The following ELMO1 variants were observed in gnomAD, a reference collection of about 807,000 sequenced individuals.
The protein encoded by ELMO1 is engulfment and cell motility protein 1.
In ELMO1, 26 loss-of-function variants were observed where a neutral mutation model predicts 98.9. The ratio of observed to expected loss-of-function variants is 0.26; its 90% CI spans 0.19 to 0.36. The LOEUF (loss-of-function observed/expected upper bound fraction) is 0.36. Among genes scored for constraint, ELMO1 ranks in the 10% least tolerant of loss-of-function variants. The pLI, the probability that ELMO1 is intolerant of heterozygous loss-of-function variation, is 1.00. For synonymous variants in ELMO1, 346 were observed against 346.0 expected (o/e 1.00, Z 0.00); for missense variants, 627 against 935.2 (o/e 0.67, Z 4.30).
At chr7:37,163,391 G>A (rs1789372861) in intron 13 of ELMO1, among the ~76,000 whole-genome samples, 1 of 151,524 alleles carries the variant, frequency 6.6e-6, no homozygotes, top group African/African-American at 2.4e-5. Context: ...TGTGCACAAT[G>A]TGCAGGTTAG....
intron 4 of ELMO1, among the ~76,000 whole-genome samples, chr7:37,305,089 T>C (rs113905453): frequency 2.6e-5 from 4 of 152,286 alleles, no homozygotes; most frequent in African/African-American, 9.6e-5. Context: ...TTCTCTCTAC[T>C]CTTCTGTGAT....
intron 13 of ELMO1, among the ~76,000 whole-genome samples, chr7:37,185,212 TAG>T (rs998250940): frequency 3.9e-5 from 6 of 152,242 alleles, no homozygotes; most frequent in African/African-American, 1.4e-4. Context: ...AGCAGCTAGC[TAG>T]AGTTTTAAAT....
intron 4 of ELMO1, among the ~76,000 whole-genome samples, chr7:37,311,759 G>A (rs575082963): frequency 2.4e-4 from 37 of 152,202 alleles, no homozygotes; most frequent in African/African-American, 6.5e-4. Flanking sequence ...AAAGAACTAC[G>A]ATAGGGAAGA....
intron 16 of ELMO1, among the ~76,000 whole-genome samples, chr7:36,921,913 G>A (rs1457350900): frequency 1.3e-5 from 2 of 152,184 alleles, no homozygotes; most frequent in South Asian, 2.1e-4. Context: ...ACCCCGCTGC[G>A]TATGCCTGTG....
At chr7:37,241,475 T>A (rs1794763277) in intron 7 of ELMO1, among the ~76,000 whole-genome samples, 1 of 152,166 alleles carries the variant, frequency 6.6e-6, no homozygotes, top group South Asian at 2.1e-4. Flanking sequence ...CTAAACCTTT[T>A]CATTGAGCTG....
chr7:37,163,433 G>A (rs1234703280), intron 13 of ELMO1, among the ~76,000 whole-genome samples: 1 of 151,920 alleles, frequency 6.6e-6, no homozygotes, highest in Admixed American at 6.6e-5. Flanking sequence ...ATGCTGGTGT[G>A]CTGCACCCAC....
At chr7:37,281,012 A>AAT (rs1554288330) in intron 4 of ELMO1, among the ~76,000 whole-genome samples, 9,890 of 108,754 alleles carry the variant, frequency 0.091, 432 homozygotes, top group African/African-American at 0.14. Flanking sequence ...TATATATATA[A>AAT]ATATATATAT....
chr7:37,169,709 A>T (rs1317254875), intron 13 of ELMO1, among the ~76,000 whole-genome samples: 1 of 152,190 alleles, frequency 6.6e-6, no homozygotes, highest in East Asian at 1.9e-4. Context: ...ACATCATCAC[A>T]AGATTTGAGG....
intron 14 of ELMO1, among the ~76,000 whole-genome samples, chr7:37,123,753 C>T (rs1033101487): frequency 2.0e-5 from 3 of 152,124 alleles, no homozygotes; most frequent in Non-Finnish European, 2.9e-5. Context: ...TTCCTATCAA[C>T]AGAAAAAGAG....
chr7:37,107,344 G>A (rs190424567), intron 14 of ELMO1, among the ~76,000 whole-genome samples: 1 of 152,178 alleles, frequency 6.6e-6, no homozygotes, highest in Non-Finnish European at 1.5e-5. Flanking sequence ...TTCATGGAGA[G>A]GGTGAGCCTT....
At chr7:37,179,632 T>C (rs1408350904) in intron 13 of ELMO1, among the ~76,000 whole-genome samples, 1 of 152,086 alleles carries the variant, frequency 6.6e-6, no homozygotes, top group Admixed American at 6.6e-5. Flanking sequence ...TAGGAAAAGC[T>C]GAATTATCAA....
intron 4 of ELMO1, among the ~76,000 whole-genome samples, chr7:37,304,652 G>A (rs1254432234): frequency 6.6e-6 from 1 of 152,128 alleles, no homozygotes; most frequent in Admixed American, 6.5e-5. Context: ...GGAGGTGGAG[G>A]TTGCAGTGAG....
At chr7:37,421,482 C>A (rs1326544529) in intron 1 of ELMO1, among the ~76,000 whole-genome samples, 1 of 152,178 alleles carries the variant, frequency 6.6e-6, no homozygotes, top group Non-Finnish European at 1.5e-5. Context: ...ATCACAAGTT[C>A]CTTTGGGCCA....
intron 16 of ELMO1, among the ~76,000 whole-genome samples, chr7:36,959,189 C>G (rs1379118156): frequency 6.6e-6 from 1 of 152,116 alleles, no homozygotes; most frequent in African/African-American, 2.4e-5. Context: ...CACTCCTTGT[C>G]ATCTCTAACC....
intron 1 of ELMO1, among the ~76,000 whole-genome samples, chr7:37,447,145 C>T (rs1229906836): frequency 6.6e-6 from 1 of 152,162 alleles, no homozygotes; most frequent in African/African-American, 2.4e-5. Flanking sequence ...CAAAGTGATT[C>T]TGAGAAGGAT....
intron 13 of ELMO1, among the ~76,000 whole-genome samples, chr7:37,161,943 G>A (rs1330830654): frequency 8.6e-5 from 3 of 35,044 alleles, no homozygotes; most frequent in East Asian, 5.7e-4. Flanking sequence ...TATGTTAAGC[G>A]TGATGTAATC....
intron 16 of ELMO1, among the ~76,000 whole-genome samples, chr7:36,922,979 G>A (rs1310091879): frequency 6.6e-6 from 1 of 152,174 alleles, no homozygotes; most frequent in African/African-American, 2.4e-5. Context: ...CTGGTCTCTA[G>A]GGATCTCACT....
chr7:37,373,712 C>T lies in ELMO1; in HGVS notation c.-73-30949G>A, dbSNP rs1362664926. ...ACAACTCAATACATTATCATAAACG[C>T]TTAATGGCTGTGCAAACAATTTGCA... On this transcript the variant is annotated intron_variant, in intron 1 of 21. Transcript: ENST00000310758. 4.6e-5 allele frequency among the ~76,000 whole-genome samples: 7 copies of T among 152,298 alleles called. No individual in the cohort carries two copies. The South Asian group carries it at 1.0e-3, about 23-fold the overall frequency.
intron 5 of ELMO1, among the ~76,000 whole-genome samples, chr7:37,262,741 G>C (rs896519091): frequency 6.6e-6 from 1 of 152,210 alleles, no homozygotes; most frequent in African/African-American, 2.4e-5. Flanking sequence ...GTGGCGAGGG[G>C]ACCATGATGG....
Sources: gnomAD v4.1 joint callset for allele counts (sites outside exome capture counted in the v4.1 genomes callset) on GRCh38, gnomAD v4.1.1 for gene constraint, MANE v1.5 for transcripts, NCBI Gene and HGNC (gene_info 2026-07-23, HGNC 2026-07-21) for gene names.